Variants in DENND1A observed in about 807,000 individuals in gnomAD.
The protein encoded by DENND1A is DENN domain containing 1A, also known as DENN domain-containing protein 1A.
A neutral mutation model predicts 113.7 loss-of-function variants in DENND1A; 51 were observed. The ratio of observed to expected loss-of-function variants is 0.45; its 90% CI spans 0.36 to 0.57. The LOEUF is 0.57. Ranked by LOEUF, DENND1A falls within the 20% of genes least tolerant of loss-of-function variation. DENND1A has a pLI of 0.00. For synonymous variants in DENND1A, 565 were observed against 570.8 expected, an observed-to-expected ratio of 0.99 and a Z score of 0.14; for missense variants, 1,258 against 1,395.9, an observed-to-expected ratio of 0.90 and a Z score of 1.57.
At chr9:123,384,682 T>C (rs2042464807) in intron 22 of DENND1A, among the ~76,000 whole-genome samples, 1 of 152,208 alleles carries the variant, frequency 6.6e-6, no homozygotes, top group South Asian at 2.1e-4. Flanking sequence ...GCACGGTGGC[T>C]CACGCCTGTA....
intron 9 of DENND1A, among the ~76,000 whole-genome samples, chr9:123,644,984 T>C (rs572828069): frequency 6.6e-6 from 1 of 152,336 alleles, no homozygotes; most frequent in Non-Finnish European, 1.5e-5. Flanking sequence ...AATGGGGCCT[T>C]TGTGCTACAG....
At chr9:123,429,250 G>A (rs1463259522) in intron 19 of DENND1A, among the ~76,000 whole-genome samples, 1 of 152,154 alleles carries the variant, frequency 6.6e-6, no homozygotes, top group Non-Finnish European at 1.5e-5. Context: ...ACAACCATCT[G>A]ATCTTCAACA....
chr9:123,595,205 G>GT (rs1473475838), intron 11 of DENND1A, among the ~76,000 whole-genome samples: 2 of 152,164 alleles, frequency 1.3e-5, no homozygotes, highest in African/African-American at 4.8e-5. Context: ...GGGAAGTGGT[G>GT]TAAGCACCTC....
At chr9:123,843,561 A>G (rs1052828534) in intron 2 of DENND1A, 4 of 203,390 alleles carry the variant, frequency 2.0e-5, no homozygotes, top group Non-Finnish European at 3.7e-5. Flanking sequence ...GAGTGGAGAA[A>G]GACTATGGCA....
intron 13 of DENND1A, among the ~76,000 whole-genome samples, chr9:123,465,680 T>A (rs1025152712): frequency 7.2e-5 from 11 of 152,194 alleles, no homozygotes; most frequent in African/African-American, 2.7e-4. Flanking sequence ...AAAATAAATA[T>A]GCAGGAAAAA....
chr9:123,598,392 C>G lies in DENND1A; in HGVS notation c.765+11044G>C, dbSNP rs2059792080. The stretch of plus-strand genomic sequence containing the variant: ...TTAGAAAATGGAACTCTGATCTCCC[C>G]TGATTTACACTTTGAGGTTGGGGGA... On this transcript the variant is annotated intron_variant, in intron 11 of 23. Transcript: ENST00000394215. Among the ~76,000 whole-genome samples, 3 of 148,860 alleles carry G rather than the reference C, an allele frequency of 2.0e-5. No individual in the cohort carries two copies. The Admixed American group carries it at 2.0e-4, about 10-fold the overall frequency.
intron 2 of DENND1A, among the ~76,000 whole-genome samples, chr9:123,854,639 G>A (rs2133195402): frequency 6.6e-6 from 1 of 151,400 alleles, no homozygotes; most frequent in African/African-American, 2.4e-5. Context: ...AGGGTGCAGT[G>A]AGCTGAGATC....
At chr9:123,542,707 G>A (rs1422777202) in intron 13 of DENND1A, among the ~76,000 whole-genome samples, 1 of 151,896 alleles carries the variant, frequency 6.6e-6, no homozygotes, top group Admixed American at 6.6e-5. Context: ...TGCTTGGGTG[G>A]GCTGTCTAGC....
chr9:123,759,698 T>C (rs1004070993), intron 4 of DENND1A: 1 of 152,236 alleles, frequency 6.6e-6, no homozygotes, highest in African/African-American at 2.4e-5. Context: ...GTGCTGGGAT[T>C]ACCGCCTGGC....
At chr9:123,730,408 G>GA (rs1160893010) in intron 5 of DENND1A, among the ~76,000 whole-genome samples, 10 of 150,972 alleles carry the variant, frequency 6.6e-5, no homozygotes, top group Non-Finnish European at 1.2e-4. Context: ...AAATTTACAA[G>GA]AAAAAAAACA....
intron 19 of DENND1A, among the ~76,000 whole-genome samples, chr9:123,438,054 G>C (rs2046653090): frequency 6.6e-6 from 1 of 152,164 alleles, no homozygotes; most frequent in Non-Finnish European, 1.5e-5. Flanking sequence ...AAAGAAAATA[G>C]TATAGATGGT....
intron 11 of DENND1A, among the ~76,000 whole-genome samples, chr9:123,607,328 T>G (rs2060198761): frequency 6.6e-6 from 1 of 150,562 alleles, no homozygotes; most frequent in Admixed American, 6.6e-5. Flanking sequence ...GTTTTGGAGC[T>G]TTGTGAGTAT....
At chr9:123,581,206 G>C (rs1484821616) in intron 12 of DENND1A, among the ~76,000 whole-genome samples, 1 of 152,164 alleles carries the variant, frequency 6.6e-6, no homozygotes, top group Non-Finnish European at 1.5e-5. Context: ...AAGAGTAAAT[G>C]AGAGGTCAAT....
At chr9:123,647,217 GA>G (rs140064880) in intron 9 of DENND1A, among the ~76,000 whole-genome samples, 35,960 of 150,116 alleles carry the variant, frequency 0.24, 4,698 homozygotes, top group Admixed American at 0.29. Context: ...AACTTTCAAA[GA>G]AAAAAAAAAT....
chr9:123,633,462 G>A (rs2061567766), intron 9 of DENND1A, among the ~76,000 whole-genome samples: 1 of 152,204 alleles, frequency 6.6e-6, no homozygotes, highest in African/African-American at 2.4e-5. Flanking sequence ...GAGTCTCACA[G>A]AGTAAGGTAC....
intron 3 of DENND1A, among the ~76,000 whole-genome samples, chr9:123,773,687 A>G (rs564217838): frequency 3.3e-4 from 51 of 152,308 alleles, no homozygotes; most frequent in South Asian, 1.9e-3. Context: ...ATTGAAACTT[A>G]TAAACAAAAA....
intron 5 of DENND1A, among the ~76,000 whole-genome samples, chr9:123,731,871 C>T (rs1288367894): frequency 2.0e-5 from 3 of 152,170 alleles, no homozygotes; most frequent in South Asian, 2.1e-4. Flanking sequence ...ACACTTGAAA[C>T]TCAACAATAA....
At chr9:123,728,479 CAAAA>C (rs60761810) in intron 5 of DENND1A, among the ~76,000 whole-genome samples, 103 of 25,166 alleles carry the variant, frequency 4.1e-3, no homozygotes, top group Middle Eastern at 0.031. Context: ...CTCTGTCTCC[CAAAA>C]AAAAAAAAAA....
At chr9:123,851,431 A>T (rs1419925852) in intron 2 of DENND1A, among the ~76,000 whole-genome samples, 1 of 152,208 alleles carries the variant, frequency 6.6e-6, no homozygotes, top group Non-Finnish European at 1.5e-5. Context: ...GCCTCTCCAG[A>T]CAATAAATGA....
Sources: gnomAD v4.1 joint callset for allele counts (sites outside exome capture counted in the v4.1 genomes callset) on GRCh38, gnomAD v4.1.1 for gene constraint, MANE v1.5 for transcripts, NCBI Gene and HGNC (gene_info 2026-07-23, HGNC 2026-07-21) for gene names.